Variants in RNGTT observed in about 807,000 individuals in gnomAD.
RNGTT encodes RNA guanylyltransferase and 5'-phosphatase, also known as mRNA-capping enzyme.
A neutral mutation model predicts 79.3 loss-of-function variants in RNGTT; 33 were observed. The ratio of observed to expected loss-of-function variants is 0.42; its 90% CI spans 0.32 to 0.56. The LOEUF is 0.56. Ranked by LOEUF, RNGTT falls within the 20% of genes least tolerant of loss-of-function variation. The probability of loss-of-function intolerance (pLI) is 0.17; values close to 1 mark genes in which losing one functional copy is unlikely to be tolerated. For missense variants in RNGTT, 497 were observed against 739.1 expected (o/e 0.67, Z 3.80); for synonymous variants, 222 against 235.9 (o/e 0.94, Z 0.54).
chr6:88,874,143 A>G (rs1782440759), intron 8 of RNGTT, among the ~76,000 whole-genome samples: 1 of 152,130 alleles, frequency 6.6e-6, no homozygotes, highest in South Asian at 2.1e-4. Flanking sequence ...TGATATACTC[A>G]TTTGCATTAA....
intron 4 of RNGTT, among the ~76,000 whole-genome samples, chr6:88,920,398 A>C (rs535175132): frequency 6.6e-6 from 1 of 152,294 alleles, no homozygotes; most frequent in South Asian, 2.1e-4. Context: ...TTTTGAAAAA[A>C]GCAGGTTATT....
intron 6 of RNGTT, among the ~76,000 whole-genome samples, chr6:88,894,594 G>A (rs1783168763): frequency 6.6e-6 from 1 of 152,154 alleles, no homozygotes; most frequent in Admixed American, 6.5e-5. Flanking sequence ...AGGACCGCAT[G>A]TACACACAGA....
chr6:88,719,105 C>A (rs1008127324), intron 13 of RNGTT, among the ~76,000 whole-genome samples: 1 of 152,084 alleles, frequency 6.6e-6, no homozygotes, highest in African/African-American at 2.4e-5. Context: ...TCACTAGGAC[C>A]ACTTAGTGTA....
chr6:88,837,874 C>T (rs1315949471), intron 11 of RNGTT, among the ~76,000 whole-genome samples: 1 of 152,030 alleles, frequency 6.6e-6, no homozygotes, highest in African/African-American at 2.4e-5. Flanking sequence ...GAAGCATTCC[C>T]ACTCAAATCA....
chr6:88,687,561 G>A (rs1043170940), intron 13 of RNGTT, among the ~76,000 whole-genome samples: 7 of 152,062 alleles, frequency 4.6e-5, no homozygotes, highest in Non-Finnish European at 8.8e-5. Flanking sequence ...AATAAGCTAC[G>A]GTTAAATCCA....
chr6:88,769,242 C>T (rs909834500), intron 13 of RNGTT, among the ~76,000 whole-genome samples: 6 of 152,054 alleles, frequency 3.9e-5, no homozygotes, highest in Non-Finnish European at 5.9e-5. Flanking sequence ...CTCACTGCTA[C>T]CTCTGCCTCC....
At chr6:88,735,294 ATGT>A (rs1410594761) in intron 13 of RNGTT, among the ~76,000 whole-genome samples, 2 of 152,130 alleles carry the variant, frequency 1.3e-5, no homozygotes, top group Non-Finnish European at 2.9e-5. Flanking sequence ...AGCAGTAAAA[ATGT>A]TGTTGAGTTG....
At chr6:88,782,939 C>T (rs943203939) in intron 12 of RNGTT, among the ~76,000 whole-genome samples, 16 of 152,034 alleles carry the variant, frequency 1.1e-4, no homozygotes, top group South Asian at 2.1e-4. Flanking sequence ...TTGTATACTT[C>T]GGTGAGAATG....
chr6:88,621,749 G>A (rs1032915912), intron 14 of RNGTT, among the ~76,000 whole-genome samples: 5 of 151,770 alleles, frequency 3.3e-5, no homozygotes, highest in African/African-American at 1.2e-4. Context: ...AAACCAAAAT[G>A]GAGTCACTTA....
intron 13 of RNGTT, among the ~76,000 whole-genome samples, chr6:88,690,152 C>G (rs926701880): frequency 2.0e-5 from 3 of 151,940 alleles, no homozygotes; most frequent in Admixed American, 2.0e-4. Flanking sequence ...GATGAAAGAG[C>G]CATGACAACT....
At chr6:88,675,317 A>C (rs1484472422) in intron 14 of RNGTT, among the ~76,000 whole-genome samples, 1 of 152,194 alleles carries the variant, frequency 6.6e-6, no homozygotes, top group African/African-American at 2.4e-5. Flanking sequence ...ATGCTTTCCC[A>C]CTAAGATAAG....
chr6:88,689,080 T>C (rs1201996620), intron 13 of RNGTT, among the ~76,000 whole-genome samples: 1 of 152,168 alleles, frequency 6.6e-6, no homozygotes, highest in Non-Finnish European at 1.5e-5. Context: ...TCAAAAATTA[T>C]ATGCAGATTT....
intron 14 of RNGTT, among the ~76,000 whole-genome samples, chr6:88,672,555 G>GCT (rs1201056699): frequency 2.6e-5 from 4 of 152,126 alleles, no homozygotes. Flanking sequence ...GACTCAGGGG[G>GCT]AAGTGTGGGA....
intron 14 of RNGTT, among the ~76,000 whole-genome samples, chr6:88,647,716 AAG>A (rs1491261508): frequency 5.3e-5 from 7 of 132,006 alleles, no homozygotes; most frequent in Admixed American, 7.4e-5. Context: ...AAAAAAAAAA[AAG>A]AAGAAGAAGA....
At chr6:88,628,263 T>C (rs1772712017) in intron 14 of RNGTT, among the ~76,000 whole-genome samples, 3 of 152,130 alleles carry the variant, frequency 2.0e-5, no homozygotes, top group Admixed American at 1.3e-4. Context: ...CTGCATCAAG[T>C]ATCACATTCC....
chr6:88,634,674 G>A (rs1404566071), intron 14 of RNGTT, among the ~76,000 whole-genome samples: 1 of 151,930 alleles, frequency 6.6e-6, no homozygotes, highest in Admixed American at 6.6e-5. Context: ...ATTCAAATTC[G>A]GAGGTTCTTT....
At chr6:88,696,762 C>T (rs966805719) in intron 13 of RNGTT, among the ~76,000 whole-genome samples, 3 of 151,976 alleles carry the variant, frequency 2.0e-5, no homozygotes, top group African/African-American at 7.3e-5. Context: ...TTTTATACTT[C>T]AGACAAGTAA....
intron 13 of RNGTT, among the ~76,000 whole-genome samples, chr6:88,716,923 T>C (rs1449388481): frequency 3.3e-5 from 5 of 152,126 alleles, no homozygotes; most frequent in Non-Finnish European, 5.9e-5. Context: ...CATATGTAAC[T>C]AACCTGCATG....
chr6:88,776,082 T>C (rs1006202645), intron 12 of RNGTT, among the ~76,000 whole-genome samples: 19 of 152,120 alleles, frequency 1.2e-4, no homozygotes, highest in African/African-American at 4.6e-4. Flanking sequence ...CATATATTAG[T>C]TTTGTTTTTA....
Sources: gnomAD v4.1 joint callset for allele counts (sites outside exome capture counted in the v4.1 genomes callset) on GRCh38, gnomAD v4.1.1 for gene constraint, MANE v1.5 for transcripts, NCBI Gene and HGNC (gene_info 2026-07-23, HGNC 2026-07-21) for gene names.